Variants in FAM20C observed in about 807,000 individuals in gnomAD.
FAM20C encodes the protein extracellular serine/threonine protein kinase FAM20C.
In FAM20C, 40 loss-of-function variants were observed where a neutral mutation model predicts 51.5. That is an observed-to-expected ratio of 0.78 (90% CI 0.60 to 1.01). The LOEUF (loss-of-function observed/expected upper bound fraction) is 1.01. Ranked by LOEUF, FAM20C falls within the 50% of genes least tolerant of loss-of-function variation. FAM20C has a pLI of 0.00. For synonymous variants in FAM20C, 406 were observed against 380.6 expected, an observed-to-expected ratio of 1.07 and a Z score of -0.78; for missense variants, 861 against 844.7, an observed-to-expected ratio of 1.02 and a Z score of -0.24.
At chr7:203,027 G>A (rs950210207) in intron 2 of FAM20C, among the ~76,000 whole-genome samples, 3 of 152,116 alleles carry the variant, frequency 2.0e-5, no homozygotes, top group Admixed American at 2.0e-4. Context: ...CAGGTGTAGA[G>A]GGAGATGGAG....
In FAM20C at chr7:192,630, C is replaced by G. The variant is rs578127901; in HGVS notation, c.-570C>G. On this transcript the variant is annotated 5_prime_UTR_variant, in exon 1 of 10. Transcript: ENST00000313766. Reference sequence around the variant, plus strand: ...CGGCCGCTGCACCTGCCCGGGACCCCGCCGGCCGCTCCCCGCGCCCACCCC... The same window carrying G: ...CGGCCGCTGCACCTGCCCGGGACCCGGCCGGCCGCTCCCCGCGCCCACCCC... 0.014 allele frequency among the ~76,000 whole-genome samples: 2,046 copies of G among 150,164 alleles called. 52 individuals are homozygous for G. Among genetic ancestry groups the G allele is most frequent in the African/African-American group, 0.046 (1,903 of 41,298 alleles).
At chr7:259,574 G>GTGTCTCTTTCTGTC (rs1788798611) in intron 9 of FAM20C, among the ~76,000 whole-genome samples, 157 bp from the exon 10 acceptor site, 5 of 121,984 alleles carry the variant, frequency 4.1e-5, no homozygotes, top group Admixed American at 7.6e-5. Flanking sequence ...CTCTTTCTCT[G>GTGTCTCTTTCTGTC]TGTATGTCTC....
At chr7:258,752 TGC>T in intron 9 of FAM20C, 47 bp downstream of exon 9, 1 of 1,504,024 alleles carries the variant, frequency 6.6e-7, no homozygotes, top group Non-Finnish European at 8.9e-7. Context: ...TCCTCCCTAC[TGC>T]GCAGGAGACA....
intron 5 of FAM20C, among the ~76,000 whole-genome samples, chr7:249,433 C>T (rs149349110): frequency 0.13 from 19,923 of 152,268 alleles, 1,408 homozygotes; most frequent in African/African-American, 0.17. Flanking sequence ...AATTATCTAC[C>T]CAGGTTGCTT....
intron 1 of FAM20C, chr7:195,328 G>A (rs749831818): frequency 2.3e-6 from 1 of 442,114 alleles, no homozygotes; most frequent in Non-Finnish European, 4.0e-6. Context: ...TCTCCAGAGG[G>A]TGAGTAAGAA....
At chr7:230,668 G>A (rs960623071) in intron 3 of FAM20C, among the ~76,000 whole-genome samples, 1 of 152,150 alleles carries the variant, frequency 6.6e-6, no homozygotes, top group African/African-American at 2.4e-5. Context: ...GATGAGTCGC[G>A]ATACAGAAAG....
At chr7:197,300 G>C (rs1785922341) in intron 2 of FAM20C, 1 of 166,980 alleles carries the variant, frequency 6.0e-6, no homozygotes, top group Non-Finnish European at 1.5e-5. Context: ...TCAGAGCCGT[G>C]CACGCCAGCC....
At chr7:236,267 G>A (rs1562388489) in intron 3 of FAM20C, among the ~76,000 whole-genome samples, 1 of 152,112 alleles carries the variant, frequency 6.6e-6, no homozygotes, top group Non-Finnish European at 1.5e-5. Context: ...GCTGGTCTCC[G>A]CCGAGGACGC....
At chr7:226,120 G>A (rs530069180) in intron 3 of FAM20C, among the ~76,000 whole-genome samples, 2 of 152,312 alleles carry the variant, frequency 1.3e-5, no homozygotes, top group East Asian at 1.9e-4. Context: ...CTGCTAGGGT[G>A]TGTGGCCTGG....
intron 3 of FAM20C, among the ~76,000 whole-genome samples, chr7:244,168 C>T (rs1405907282): frequency 6.6e-6 from 1 of 152,040 alleles, no homozygotes; most frequent in Non-Finnish European, 1.5e-5. Context: ...CTCCTGGACT[C>T]ATGCTGGGCC....
intron 4 of FAM20C, among the ~76,000 whole-genome samples, chr7:247,408 TGACAC>T (rs1341379078): frequency 6.6e-6 from 1 of 152,176 alleles, no homozygotes; most frequent in Non-Finnish European, 1.5e-5. Flanking sequence ...TGCACGGCCC[TGACAC>T]GTCCCAGCCT....
At chr7:226,678 C>T (rs556206385) in intron 3 of FAM20C, among the ~76,000 whole-genome samples, 1 of 152,328 alleles carries the variant, frequency 6.6e-6, no homozygotes, top group South Asian at 2.1e-4. Context: ...GCTGGAGCCT[C>T]TGGCCTCTGA....
intron 3 of FAM20C, among the ~76,000 whole-genome samples, chr7:245,142 G>A (rs576289841): frequency 6.6e-6 from 1 of 152,374 alleles, no homozygotes; most frequent in South Asian, 2.1e-4. Flanking sequence ...TGCGTATATG[G>A]AAGGAAGGAC....
chr7:195,615 T>C lies in FAM20C; in HGVS notation c.667T>C (p.Tyr223His). 6.2e-7 allele frequency: 1 copy of C among 1,609,748 alleles called. No individual in the cohort carries two copies. The highest frequency in any genetic ancestry group is 8.5e-7 in the Non-Finnish European group (1 of 1,178,074). The change falls in exon 2 of 10, where the codon TAT becomes CAT. Residue 223 changes from tyrosine (Y) to histidine (H), a missense_variant. By Grantham distance (83) the Tyr-to-His change is moderately conservative. Around this residue, in one of 3 missense-constraint regions of FAM20C, gnomAD observed 561 missense variants for 499.8 expected, o/e 1.12. Transcript: ENST00000313766. The part of the protein sequence containing the change: ...LSPGEAAVDS[Y>H]PNWLKFHIGI... The stretch of plus-strand genomic sequence containing the variant: ...CCCCGGGGAGGCGGCCGTGGACTCC[T>C]ATCCCAACTGGCTCAAGTTCCACAT...
chr7:195,861 G>T (rs1583274008), intron 2 of FAM20C, 129 bp downstream of exon 2: 3 of 915,996 alleles, frequency 3.3e-6, no homozygotes, highest in African/African-American at 3.4e-5. Context: ...ACCTCCTGCA[G>T]CAATCTGCAC....
At chr7:256,821 A>C in intron 7 of FAM20C, 58 bp downstream of exon 7, 1 of 1,492,398 alleles carries the variant, frequency 6.7e-7, no homozygotes, top group South Asian at 1.2e-5. Flanking sequence ...GAGCGGATGC[A>C]CGCAGGGCTC....
intron 3 of FAM20C, among the ~76,000 whole-genome samples, chr7:218,952 G>C (rs915437715): frequency 1.1e-3 from 162 of 150,972 alleles, no homozygotes; most frequent in Admixed American, 1.9e-3. Context: ...GCCCAGGACG[G>C]ACAGATCACT....
intron 9 of FAM20C, among the ~76,000 whole-genome samples, chr7:259,244 C>T (rs1788771660): frequency 6.7e-6 from 1 of 149,654 alleles, no homozygotes; most frequent in African/African-American, 2.5e-5. Context: ...GAGCGGGCCG[C>T]CCTCCTCACC....
At chr7:212,690 G>A (rs1325835062) in intron 3 of FAM20C, among the ~76,000 whole-genome samples, 3 of 152,160 alleles carry the variant, frequency 2.0e-5, no homozygotes, top group Non-Finnish European at 4.4e-5. Context: ...TAGGGTCTCC[G>A]TTTCTAATAG....
Sources: gnomAD v4.1 joint callset for allele counts (sites outside exome capture counted in the v4.1 genomes callset) on GRCh38, gnomAD v4.1.1 for gene constraint, gnomAD v4.1.1 regional missense constraint, MANE v1.5 for transcripts, NCBI Gene and HGNC (gene_info 2026-07-23, HGNC 2026-07-21) for gene names.